The following PPEF2 variants were observed in gnomAD, a reference collection of about 807,000 sequenced individuals.
PPEF2 encodes protein phosphatase with EF-hand domain 2.
Under a neutral mutation model 84.7 loss-of-function variants are expected in PPEF2, and 84 were observed. The ratio of observed to expected loss-of-function variants is 0.99; its 90% confidence interval spans 0.83 to 1.19. The LOEUF (loss-of-function observed/expected upper bound fraction) is 1.19. Ranked by LOEUF, PPEF2 falls within the 50% of genes most tolerant of loss-of-function variation. The pLI is 0.00. For missense variants in PPEF2, 924 were observed against 937.5 expected (o/e 0.99, Z 0.19); for synonymous variants, 346 against 345.2 (o/e 1.00, Z -0.03).
intron 7 of PPEF2, 39 bp downstream of exon 7, chr4:75,886,813 C>T (rs1214399175): frequency 1.6e-6 from 2 of 1,266,418 alleles, no homozygotes; most frequent in African/African-American, 3.1e-5. Context: ...CTAAATTAAG[C>T]TTCAGAGCAA....
chr4:75,897,228 G>A (rs895020094), intron 1 of PPEF2, among the ~76,000 whole-genome samples: 2 of 152,074 alleles, frequency 1.3e-5, no homozygotes, highest in Non-Finnish European at 2.9e-5. Context: ...CCATCTTCCT[G>A]ACTACTTACT....
chr4:75,893,587 C>A (rs1724942066), intron 2 of PPEF2, among the ~76,000 whole-genome samples: 1 of 152,170 alleles, frequency 6.6e-6, no homozygotes, highest in African/African-American at 2.4e-5. Context: ...GGTAAACATG[C>A]AGGTTGCTAC....
intron 7 of PPEF2, among the ~76,000 whole-genome samples, chr4:75,886,053 C>T (rs1231921539): frequency 2.6e-5 from 4 of 152,066 alleles, no homozygotes; most frequent in African/African-American, 9.7e-5. Flanking sequence ...TTAGTTTTAC[C>T]CTACTGATGA....
chr4:75,868,315 C>A lies in PPEF2; in HGVS notation c.1650-896G>T, dbSNP rs375634729. On this transcript the variant is annotated intron_variant, in intron 13 of 16. Coordinates refer to ENST00000286719, the MANE Select transcript of PPEF2 (RefSeq NM_006239.3). ...TGGGTGAAAAAGTAAGACCCTGTCT[C>A]AAAAAAAAAAAAAAAAAGAATATAA... Among the ~76,000 whole-genome samples the A allele has an allele frequency of 4.7e-3, 262 of 55,698 alleles. 1 individual carries two copies. The highest frequency in any genetic ancestry group is 7.1e-3 in the East Asian group (10 of 1,402). The allele number at this position is 55,698 out of a possible 152,430, so 36.5% of individuals were successfully genotyped here.
At chr4:75,891,523 C>T in intron 4 of PPEF2, 125 bp downstream of exon 4, 1 of 1,115,602 alleles carries the variant, frequency 9.0e-7, no homozygotes. Context: ...ATTTACTCCT[C>T]AGCCCCTTGC....
intron 16 of PPEF2, among the ~76,000 whole-genome samples, chr4:75,861,500 A>G (rs867064737): frequency 1.0e-4 from 15 of 147,244 alleles, no homozygotes; most frequent in Middle Eastern, 3.4e-3. Context: ...ACCTAACACT[A>G]TATAAAAAAA....
At position 75,873,341 on chromosome 4, in the gene PPEF2, C is replaced by T. The variant is rs756815397; in HGVS notation, c.1321-29G>A. On this transcript the variant is annotated intron_variant, in intron 11 of 16. Transcript: ENST00000286719. ...AGAAGACCAAGAGATGATTTCCTTCCCAAAAACTAGATACATATTCATCCA... is the reference window on the plus strand; with the variant it reads ...AGAAGACCAAGAGATGATTTCCTTCTCAAAAACTAGATACATATTCATCCA... The T allele has an allele frequency of 9.1e-5, 142 of 1,558,094 alleles. 1 individual carries two copies. In the East Asian group the frequency reaches 3.2e-3, roughly 35 times the overall value.
At chr4:75,893,281 T>C (rs35219270) in intron 2 of PPEF2, among the ~76,000 whole-genome samples, 24,237 of 152,176 alleles carry the variant, frequency 0.16, 2,081 homozygotes, top group African/African-American at 0.18. Context: ...GTGGATCACC[T>C]GAGGTGAGGA....
At chr4:75,880,080 G>A (rs893358282) in intron 10 of PPEF2, among the ~76,000 whole-genome samples, 18 of 152,122 alleles carry the variant, frequency 1.2e-4, no homozygotes, top group Non-Finnish European at 1.6e-4. Flanking sequence ...CGCCCGCCTC[G>A]GCCTCCCAAA....
In PPEF2 at chr4:75,889,988, G is replaced by T. The variant is rs759731872; in HGVS notation, c.386C>A (p.Thr129Asn). ...CAGTCTGAATGCTTCTACCAGGGCA[G>T]TTGCATGGTCAGGCAGGAGTGGGAA... ...LSFPLLPDHA[T>N]ALVEAFRLKQ... is the part of the protein sequence containing the mutation. Residue 129 changes from threonine (T) to asparagine (N), a missense_variant, in exon 5 of 17, where the codon ACT (threonine) becomes AAT (asparagine). Physicochemically the swap from Thr to Asn is moderately conservative, Grantham distance 65. Transcript: ENST00000286719. 1 of 1,614,198 alleles carries T rather than the reference G, an allele frequency of 6.2e-7. No homozygotes were observed. Among genetic ancestry groups the T allele is most frequent in the Non-Finnish European group, 8.5e-7 (1 of 1,180,040 alleles).
rs1180386003 is a variant in PPEF2, at chr4:75,873,115, G to C, written c.1506+12C>G. 1.2e-6 allele frequency: 2 copies of C among 1,609,980 alleles called. No individual in the cohort carries two copies. Among genetic ancestry groups the C allele is most frequent in the East Asian group, 2.2e-5 (1 of 44,882 alleles). On this transcript the variant is annotated intron_variant, in intron 12 of 16. Transcript: ENST00000286719. Reference sequence around the variant, plus strand: ...ACACACAAGCCTGTACTGCTGCAGAGGGAGCACCCACCTTGCGGTTGTGAC... The same window carrying C: ...ACACACAAGCCTGTACTGCTGCAGACGGAGCACCCACCTTGCGGTTGTGAC...
intron 2 of PPEF2, among the ~76,000 whole-genome samples, chr4:75,893,873 C>G (rs137890591): frequency 1.4e-3 from 207 of 149,364 alleles, no homozygotes; most frequent in Non-Finnish European, 2.5e-3. Context: ...CTCTTTTTTT[C>G]TTCCTCCCGG....
At position 75,888,215 on chromosome 4, in the gene PPEF2, A is replaced by G; in HGVS notation, c.531T>C (p.Cys177=). Residue 177 remains cysteine, a splice_region_variant and synonymous_variant, in exon 6 of 17, where the codon TGT becomes TGC. Transcript: ENST00000286719. ...AAGCCGTTTCTGACCAGCTCTTACCACACACTGTGATCTCCTCACTGTAAC... is the reference window on the plus strand; with the variant it reads ...AAGCCGTTTCTGACCAGCTCTTACCGCACACTGTGATCTCCTCACTGTAAC... ...STCYSEEITV[C]GDLHGQLDDL... 2 of 1,603,342 alleles carry G rather than the reference A, an allele frequency of 1.2e-6. No individual in the cohort carries two copies. Among genetic ancestry groups the G allele is most frequent in the Non-Finnish European group, 1.7e-6 (2 of 1,170,314 alleles).
rs1374865071 is a variant in PPEF2, at chr4:75,882,938, T to G, written c.921A>C (p.Ile307=). The change falls in exon 10 of 17, where the codon ATA becomes ATC. Residue 307 remains isoleucine (I), a synonymous_variant. Transcript: ENST00000286719. ...DITDLELLDK[I]ERSKIVSTMR... is the part of the protein sequence containing the mutation. ...CATTAACCACTACCTTGCTCCTCTCTATTTTGTCCAAAAGCTCCAGATCAG... is the reference window on the plus strand; with the variant it reads ...CATTAACCACTACCTTGCTCCTCTCGATTTTGTCCAAAAGCTCCAGATCAG... 2.5e-6 allele frequency: 4 copies of G among 1,612,122 alleles called. No individual in the cohort carries two copies. The highest frequency in any genetic ancestry group is 3.4e-6 in the Non-Finnish European group (4 of 1,179,372).
At chr4:75,901,222 A>G (rs113647630) in intron 1 of PPEF2, among the ~76,000 whole-genome samples, 2,989 of 152,264 alleles carry the variant, frequency 0.02, 98 homozygotes, top group African/African-American at 0.068. Context: ...TCTAGAAATC[A>G]ATAAGAAAAA....
At chr4:75,877,457 T>C (rs1261297921) in intron 10 of PPEF2, among the ~76,000 whole-genome samples, 3 of 151,908 alleles carry the variant, frequency 2.0e-5, no homozygotes, top group African/African-American at 7.2e-5. Flanking sequence ...AGGAAGGAAC[T>C]GTAGGTCCTT....
At position 75,876,529 on chromosome 4, in the gene PPEF2, G is replaced by C; in HGVS notation, c.1078C>G (p.Arg360Gly). Residue 360 changes from arginine (R) to glycine (G), a missense_variant, in exon 11 of 17, where the codon CGG becomes GGG. Coordinates refer to ENST00000286719, the MANE Select transcript of PPEF2 (RefSeq NM_006239.3). Reference sequence around the variant, plus strand: ...TTCTGGGCCTTGTAGGAGCCAAGCCGAAGGGGCGAAGAGGGAAGAGAGCGG... The same window carrying C: ...TTCTGGGCCTTGTAGGAGCCAAGCCCAAGGGGCGAAGAGGGAAGAGAGCGG... ...ESRSLPSSPL[R>G]LGSYKAQKTS... is the part of the protein sequence containing the mutation. 6.2e-7 allele frequency: 1 copy of C among 1,614,092 alleles called. No homozygotes were observed. Among genetic ancestry groups the C allele is most frequent in the Non-Finnish European group, 8.5e-7 (1 of 1,179,998 alleles).
chr4:75,890,228 C>T (rs527948999), intron 4 of PPEF2, 96 bp from the exon 5 acceptor site: 7 of 1,379,864 alleles, frequency 5.1e-6, no homozygotes, highest in Non-Finnish European at 7.0e-6. Context: ...CGGTGGCTCT[C>T]TAATCCCAGA....
intron 1 of PPEF2, among the ~76,000 whole-genome samples, chr4:75,901,478 G>C (rs895833039): frequency 6.6e-6 from 1 of 150,518 alleles, no homozygotes; most frequent in Non-Finnish European, 1.5e-5. Flanking sequence ...CCAAGATTTC[G>C]CCACTACACT....
Sources: allele counts gnomAD v4.1 joint callset (sites outside exome capture counted in the v4.1 genomes callset), GRCh38; gene constraint gnomAD v4.1.1; transcripts MANE v1.5; gene names NCBI Gene and HGNC (gene_info 2026-07-23, HGNC 2026-07-21).